FLYWCH1: variants seen among roughly 807,000 people sequenced by gnomAD.
The protein encoded by FLYWCH1 is FLYWCH-type zinc finger 1.
A neutral mutation model predicts 66.4 loss-of-function variants in FLYWCH1; 75 were observed. The ratio of observed to expected loss-of-function variants is 1.13; its 90% CI spans 0.94 to 1.37. The LOEUF (loss-of-function observed/expected upper bound fraction) is 1.37, where lower values mean the gene tolerates loss of function less well. Among genes scored for constraint, FLYWCH1 ranks in the 40% most tolerant of loss-of-function variants. The pLI is 0.00. For synonymous variants in FLYWCH1, 595 were observed against 429.9 expected, an observed-to-expected ratio of 1.38 and a Z score of -4.75; for missense variants, 1,334 against 1,001.8, an observed-to-expected ratio of 1.33 and a Z score of -4.48.
At position 2,940,027 on chromosome 16, in the gene FLYWCH1, C is replaced by T. The variant is rs751375292; in HGVS notation, c.2051-5C>T. ...TAATTCATATTTTCAATTATTTTTC[C>T]ACAGAAAAGATTCAAGTTCAGCTGT... On this transcript the variant is annotated splice_polypyrimidine_tract_variant and splice_region_variant and intron_variant, in intron 8 of 9. Coordinates refer to ENST00000253928, the MANE Select transcript of FLYWCH1 (RefSeq NM_001308068.2). The T allele has an allele frequency of 7.2e-5, 116 of 1,601,314 alleles. No individual in the cohort carries two copies. Among genetic ancestry groups the T allele is most frequent in the Non-Finnish European group, 9.8e-5 (115 of 1,171,902 alleles).
intron 2 of FLYWCH1, among the ~76,000 whole-genome samples, chr16:2,923,991 C>T (rs564082047): frequency 2.6e-5 from 4 of 152,062 alleles, no homozygotes; most frequent in East Asian, 1.9e-4. Flanking sequence ...GAGCTGAGAT[C>T]GTGCCACTGC....
intron 6 of FLYWCH1, among the ~76,000 whole-genome samples, chr16:2,934,397 C>T (rs114323006): frequency 2.5e-3 from 387 of 152,348 alleles, no homozygotes; most frequent in African/African-American, 8.8e-3. Flanking sequence ...CCGGTTTCTC[C>T]TCTCGGCCCG....
intron 9 of FLYWCH1, among the ~76,000 whole-genome samples, chr16:2,947,992 G>A (rs2071554676): frequency 6.6e-6 from 1 of 152,032 alleles, no homozygotes; most frequent in Non-Finnish European, 1.5e-5. Flanking sequence ...AGTGAGCTCT[G>A]ATGGCACCAC....
chr16:2,930,678 C>T lies in FLYWCH1; in HGVS notation c.594C>T (p.Gly198=), dbSNP rs956294699. The T allele has an allele frequency of 1.3e-6, 2 of 1,544,654 alleles. No individual in the cohort carries two copies. The highest frequency in any genetic ancestry group is 2.4e-5 in the East Asian group (1 of 40,942). The change falls in exon 4 of 10, where the codon GGC becomes GGT. Residue 198 remains glycine (G), a synonymous_variant. Transcript: ENST00000253928. ...EKLPSLALPE[G]LGEPQGPEGP... ...TGCCCAGCCTGGCCCTGCCAGAGGG[C>T]TTGGGAGAGCCCCAGGGTCCTGAGG...
chr16:2,937,295 G>A lies in FLYWCH1; in HGVS notation c.1688G>A (p.Arg563His), dbSNP rs780119016. ...ITQGRRVMVM[R>H]RHCHPPDLGG... Reference sequence around the variant, plus strand: ...CAGGGCCGGCGGGTCATGGTCATGCGCAGGCACTGCCACCCACCGGACCTG... The same window carrying A: ...CAGGGCCGGCGGGTCATGGTCATGCACAGGCACTGCCACCCACCGGACCTG... The change falls in exon 7 of 10, where the codon CGC becomes CAC. Residue 563 changes from arginine to histidine, a missense_variant. Transcript: ENST00000253928. 1.0e-5 allele frequency: 16 copies of A among 1,603,786 alleles called. No individual in the cohort carries two copies. The highest frequency in any genetic ancestry group is 8.0e-5 in the African/African-American group (6 of 74,850).
At chr16:2,948,540 G>A (rs2071579009) in intron 9 of FLYWCH1, 148 bp from the exon 10 acceptor site, 4 of 796,410 alleles carry the variant, frequency 5.0e-6, no homozygotes, top group Non-Finnish European at 8.0e-6. Context: ...TCCAGCCTGG[G>A]TGACAGAGCA....
chr16:2,934,046 C>T, intron 6 of FLYWCH1, 67 bp downstream of exon 6: 1 of 1,439,174 alleles, frequency 6.9e-7, no homozygotes, highest in Non-Finnish European at 9.1e-7. Context: ...GCCTTTCCCT[C>T]TCCATGCTGC....
rs780733641 is a variant in FLYWCH1, at chr16:2,933,452, C to G, written c.1119C>G (p.Leu373=). The change falls in exon 5 of 10, where the codon CTC becomes CTG. Residue 373 remains leucine (L), a synonymous_variant. Transcript: ENST00000253928. ...TGCTCCGAGGCGTGGATAGTTTGCT[C>G]TACCGCAGGGGTCCGGGTCCCCTGA... ...DTLLRGVDSL[L]YRRGPGPLTL... is the part of the protein sequence containing the mutation. 1.1e-5 allele frequency: 18 copies of G among 1,601,384 alleles called. No individual in the cohort carries two copies. The highest frequency in any genetic ancestry group is 4.0e-5 in the African/African-American group (3 of 74,702).
At chr16:2,946,217 C>A (rs772674127) in intron 9 of FLYWCH1, among the ~76,000 whole-genome samples, 6 of 151,668 alleles carry the variant, frequency 4.0e-5, no homozygotes, top group Non-Finnish European at 7.4e-5. Flanking sequence ...GCAGGACATA[C>A]ACTAATGCTT....
At chr16:2,912,511 T>C (rs139044852) in intron 1 of FLYWCH1, among the ~76,000 whole-genome samples, 1 of 152,254 alleles carries the variant, frequency 6.6e-6, no homozygotes, top group Non-Finnish European at 1.5e-5. Flanking sequence ...CTTTTGCGGG[T>C]CGGGACGCAC....
At chr16:2,942,018 A>C (rs1048164114) in intron 9 of FLYWCH1, among the ~76,000 whole-genome samples, 2 of 151,272 alleles carry the variant, frequency 1.3e-5, no homozygotes, top group African/African-American at 4.8e-5. Context: ...AAAAAAAAAA[A>C]AAAAACTGAA....
At chr16:2,921,200 C>G (rs1447236915) in intron 2 of FLYWCH1, among the ~76,000 whole-genome samples, 50 of 152,130 alleles carry the variant, frequency 3.3e-4, no homozygotes, top group Non-Finnish European at 7.3e-5. Flanking sequence ...TATGATTTCT[C>G]CATCTAAAGT....
intron 6 of FLYWCH1, chr16:2,936,168 C>A: frequency 3.2e-6 from 1 of 312,540 alleles, no homozygotes; most frequent in Non-Finnish European, 6.3e-6. Context: ...GCCTCGGCCT[C>A]CCAAAGTGCT....
intron 9 of FLYWCH1, 85 bp from the exon 10 acceptor site, chr16:2,948,603 G>C: frequency 1.4e-6 from 2 of 1,412,926 alleles, no homozygotes; most frequent in Admixed American, 3.4e-5. Flanking sequence ...CAGGAAAAAG[G>C]ATTCCAGGAA....
Position 2,933,713 on chromosome 16 carries a change from C to T in FLYWCH1, c.1250-3C>T, listed in dbSNP as rs757531160. 6 of 1,611,224 alleles carry T rather than the reference C, an allele frequency of 3.7e-6. No individual in the cohort carries two copies. The highest frequency in any genetic ancestry group is 3.3e-5 in the South Asian group (3 of 90,712). The stretch of plus-strand genomic sequence containing the variant: ...CCCCTGACTGCCTCTTGAACCTCCC[C>T]AGGAGGCCCTGAGTTCCTGAAGACG... On this transcript the variant is annotated splice_polypyrimidine_tract_variant and splice_region_variant and intron_variant, in intron 5 of 9. Transcript: ENST00000253928.
chr16:2,929,680 C>G lies in FLYWCH1; in HGVS notation c.-6C>G. Reference sequence around the variant, plus strand: ...GTGGCCTGAGGGACAGGCCCTGGGTCCCGGGATGCCCCTGCCCGAGCCCAG... The same window carrying G: ...GTGGCCTGAGGGACAGGCCCTGGGTGCCGGGATGCCCCTGCCCGAGCCCAG... On this transcript the variant is annotated 5_prime_UTR_variant, in exon 3 of 10. Transcript: ENST00000253928. 6.2e-7 allele frequency: 1 copy of G among 1,607,874 alleles called. No individual in the cohort carries two copies. The highest frequency in any genetic ancestry group is 8.5e-7 in the Non-Finnish European group (1 of 1,177,284).
intron 7 of FLYWCH1, 96 bp downstream of exon 7, chr16:2,937,480 T>A: frequency 7.4e-7 from 1 of 1,357,442 alleles, no homozygotes. Context: ...TTGTGTGTTG[T>A]GCATGGTGGT....
rs766714600 is a variant in FLYWCH1, at chr16:2,933,145, T to G, written c.812T>G (p.Leu271Arg). 1.2e-6 allele frequency: 2 copies of G among 1,613,086 alleles called. No homozygotes were observed. Among genetic ancestry groups the G allele is most frequent in the African/African-American group, 2.7e-5 (2 of 74,826 alleles). Residue 271 changes from leucine (L) to arginine (R), a missense_variant, in exon 5 of 10, where the codon CTC (leucine) becomes CGC (arginine). Transcript: ENST00000253928. ...TCTCCTCTAGGACAGGCCCGGCCCCTCGAGTTCCTGAGGACGTGCTACGGG... is the reference window on the plus strand; with the variant it reads ...TCTCCTCTAGGACAGGCCCGGCCCCGCGAGTTCCTGAGGACGTGCTACGGG... ...SILGLGQARP[L>R]EFLRTCYGGS... is the part of the protein sequence containing the mutation.
chr16:2,919,141 G>C (rs961995339), intron 2 of FLYWCH1, among the ~76,000 whole-genome samples: 3 of 151,592 alleles, frequency 2.0e-5, no homozygotes, highest in Non-Finnish European at 2.9e-5. Context: ...AGGTGGTCTC[G>C]ATCTCCTGAC....
Sources: gnomAD v4.1 joint callset for allele counts (sites outside exome capture counted in the v4.1 genomes callset) on GRCh38, gnomAD v4.1.1 for gene constraint, MANE v1.5 for transcripts, NCBI Gene and HGNC (gene_info 2026-07-23, HGNC 2026-07-21) for gene names.